Variants in PCM1 observed in about 807,000 individuals in gnomAD.
The protein encoded by PCM1 is pericentriolar material 1, also known as pericentriolar material 1 protein.
PCM1 carries 157 observed loss-of-function variants against 241.9 expected under a neutral mutation model. The ratio of observed to expected loss-of-function variants is 0.65; its 90% CI spans 0.57 to 0.74. The LOEUF (loss-of-function observed/expected upper bound fraction) is 0.74. PCM1 is among the 30% of genes least tolerant of loss of function. The pLI is 0.00. For missense variants in PCM1, 3,478 were observed against 2,360.1 expected (o/e 1.47, Z -9.81); for synonymous variants, 1,085 against 784.9 (o/e 1.38, Z -6.39).
At chr8:17,965,971 T>A (rs2074724957) in intron 18 of PCM1, 28 bp from the exon 19 acceptor site, 1 of 1,535,824 alleles carries the variant, frequency 6.5e-7, no homozygotes, top group East Asian at 2.3e-5. Context: ...TTATGTATGA[T>A]GACTTAATGC....
At chr8:17,934,814 C>G (rs1235207165) in intron 2 of PCM1, 1 of 152,202 alleles carries the variant, frequency 6.6e-6, no homozygotes, top group African/African-American at 2.4e-5. Flanking sequence ...CTTTGAACCT[C>G]TACTTCCACC....
chr8:17,966,035 T>G lies in PCM1; in HGVS notation c.2892T>G (p.Asn964Lys), dbSNP rs2074748982. The change falls in exon 19 of 39, where the codon AAT becomes AAG. Residue 964 changes from asparagine (N) to lysine (K), a missense_variant. Transcript: ENST00000325083. ...KNNCPFSADE[N>K]YRPLAKTRQQ... ...ATTGCCCTTTTTCGGCAGATGAAAATTATCGTCCTTTAGCCAAGACAAGGC... is the reference window on the plus strand; with the variant it reads ...ATTGCCCTTTTTCGGCAGATGAAAAGTATCGTCCTTTAGCCAAGACAAGGC... 2 of 1,612,166 alleles carry G rather than the reference T, an allele frequency of 1.2e-6. No homozygotes were observed. The highest frequency in any genetic ancestry group is 2.7e-5 in the African/African-American group (2 of 74,870).
At chr8:17,974,857 G>GCACACACACACACACACA (rs60355433) in intron 23 of PCM1, among the ~76,000 whole-genome samples, 5 of 133,274 alleles carry the variant, frequency 3.8e-5, no homozygotes, top group African/African-American at 8.0e-5. Context: ...CCACTTTAAG[G>GCACACACACACACACACA]CACACACACA....
intron 6 of PCM1, 85 bp downstream of exon 6, chr8:17,939,946 A>G: frequency 9.1e-7 from 1 of 1,099,332 alleles, no homozygotes. Flanking sequence ...GCCACCCCAG[A>G]GGAGTTAACA....
In PCM1 at chr8:17,983,585, T is replaced by G. The variant is rs147539472; in HGVS notation, c.4109-1862T>G. ...TACTTGATTTGAGGTTATTTTGTAC[T>G]TCTTCAAAGCATTAGTATTTCTTAG... On this transcript the variant is annotated intron_variant, in intron 24 of 38. Transcript: ENST00000325083. Among the ~76,000 whole-genome samples the G allele has an allele frequency of 1.3e-3, 194 of 152,280 alleles. 1 individual carries two copies. The highest frequency in any genetic ancestry group is 4.4e-3 in the African/African-American group (185 of 41,574).
chr8:17,957,468 A>C lies in PCM1; in HGVS notation c.1804+47A>C, dbSNP rs767027860. 7 of 1,607,434 alleles carry C rather than the reference A, an allele frequency of 4.4e-6. No individual in the cohort carries two copies. In the Admixed American group the frequency reaches 1.2e-4, roughly 27 times the overall value. On this transcript the variant is annotated intron_variant, in intron 12 of 38. Coordinates refer to ENST00000325083, the MANE Select transcript of PCM1 (RefSeq NM_006197.4). The stretch of plus-strand genomic sequence containing the variant: ...TATAATTTTGCTGTGTTATTCTTAC[A>C]AAGTGGGTTTTCGTTCATGTGTGCT...
chr8:18,012,214 A>G (rs2092618772), intron 34 of PCM1, among the ~76,000 whole-genome samples: 1 of 152,130 alleles, frequency 6.6e-6, no homozygotes, highest in African/African-American at 2.4e-5. Context: ...ATTAAATTTC[A>G]CACCGGCCCT....
At chr8:17,952,236 T>TAAAC (rs1197155738) in intron 8 of PCM1, among the ~76,000 whole-genome samples, 1 of 149,924 alleles carries the variant, frequency 6.7e-6, no homozygotes, top group South Asian at 2.1e-4. Flanking sequence ...AATAAATAAA[T>TAAAC]AAATAAATAA....
intron 23 of PCM1, 153 bp from the exon 24 acceptor site, chr8:17,980,438 T>C: frequency 1.9e-6 from 1 of 538,716 alleles, no homozygotes; most frequent in Non-Finnish European, 3.2e-6. Context: ...CAAAGATACC[T>C]CCAAGACATA....
Position 17,980,724 on chromosome 8 carries a change from A to G in PCM1, c.4077A>G (p.Ile1359Met), listed in dbSNP as rs2080423224. Reference sequence around the variant, plus strand: ...ATCATGAGCAACTGGAAAAAATAATAAAATGTAATAGGTCTACAGAAATAT... The same window carrying G: ...ATCATGAGCAACTGGAAAAAATAATGAAATGTAATAGGTCTACAGAAATAT... ...RKNHEQLEKI[I>M]KCNRSTEISS... The change falls in exon 24 of 39, where the codon ATA becomes ATG. Residue 1359 changes from isoleucine (I) to methionine (M), a missense_variant. Transcript: ENST00000325083. 6.2e-7 allele frequency: 1 copy of G among 1,611,502 alleles called. No individual in the cohort carries two copies. The highest frequency in any genetic ancestry group is 1.3e-5 in the African/African-American group (1 of 74,924).
chr8:18,017,429 T>G (rs1382702999), intron 36 of PCM1, among the ~76,000 whole-genome samples: 3 of 152,182 alleles, frequency 2.0e-5, no homozygotes, highest in Non-Finnish European at 4.4e-5. Flanking sequence ...CTGAACATTT[T>G]GAGAGAACAT....
At position 17,972,600 on chromosome 8, in the gene PCM1, G is replaced by A. The variant is rs1213564752; in HGVS notation, c.3856G>A (p.Ala1286Thr). 2 of 1,601,130 alleles carry A rather than the reference G, an allele frequency of 1.2e-6. No individual in the cohort carries two copies. The highest frequency in any genetic ancestry group is 1.7e-6 in the Non-Finnish European group (2 of 1,175,868). The change falls in exon 23 of 39, where the codon GCC (alanine) becomes ACC (threonine). Residue 1286 changes from alanine (A) to threonine (T), a missense_variant. By Grantham distance (58) the Ala-to-Thr change is moderately conservative. Transcript: ENST00000325083. Reference protein sequence around the residue: ...TFKTRKASAQASLASKDKTPK... With the variant: ...TFKTRKASAQTSLASKDKTPK... The stretch of plus-strand genomic sequence containing the variant: ...CAAGACAAGAAAAGCGTCTGCACAG[G>A]CCAGCCTGGCATCTAAAGATAAAAC...
At position 18,000,406 on chromosome 8, in the gene PCM1, G is replaced by T. The variant is rs138225635; in HGVS notation, c.4828-5857G>T. ...CTTGTTTTTAGAAAATTGATTATAAGGGGGTCAGGAGTGCAGTGAGATCAG... is the reference window on the plus strand; with the variant it reads ...CTTGTTTTTAGAAAATTGATTATAATGGGGTCAGGAGTGCAGTGAGATCAG... On this transcript the variant is annotated intron_variant, in intron 29 of 38. Coordinates refer to ENST00000325083, the MANE Select transcript of PCM1 (RefSeq NM_006197.4). Among the ~76,000 whole-genome samples the T allele has an allele frequency of 2.6e-5, 4 of 152,146 alleles. No individual in the cohort carries two copies. In the South Asian group the frequency reaches 8.3e-4, roughly 31 times the overall value.
chr8:17,987,938 G>T (rs439511), intron 26 of PCM1, among the ~76,000 whole-genome samples: 13,091 of 151,722 alleles, frequency 0.086, 882 homozygotes, highest in African/African-American at 0.18. Context: ...TCATTCTCTA[G>T]ATGCTTCTAT....
chr8:18,008,487 A>T (rs527277289), intron 30 of PCM1, among the ~76,000 whole-genome samples: 23 of 152,224 alleles, frequency 1.5e-4, no homozygotes, highest in African/African-American at 5.5e-4. Flanking sequence ...TGCTTGAATC[A>T]TTCCGAAACC....
chr8:17,965,157 A>C (rs947821383), intron 18 of PCM1, among the ~76,000 whole-genome samples: 12 of 152,186 alleles, frequency 7.9e-5, no homozygotes, highest in African/African-American at 2.9e-4. Flanking sequence ...GTGTTAGGAC[A>C]GTGTGTGGGT....
Position 17,962,266 on chromosome 8 carries a change from A to G in PCM1, c.2463+92A>G, listed in dbSNP as rs1255160424. On this transcript the variant is annotated intron_variant, in intron 16 of 38. Coordinates refer to ENST00000325083, the MANE Select transcript of PCM1 (RefSeq NM_006197.4). ...GGCACATCTCAAGAAAGGAAACTGA[A>G]TATCCTTGAAACATGTTTGTAAATA... 7 of 1,065,050 alleles carry G rather than the reference A, an allele frequency of 6.6e-6. No individual in the cohort carries two copies. The East Asian group carries it at 8.1e-5, about 12-fold the overall frequency. 66.0% of individuals were successfully genotyped at this position (1,065,050 alleles called of 1,614,324 possible).
At chr8:17,955,405 C>A in intron 9 of PCM1, 65 bp from the exon 10 acceptor site, 1 of 1,094,798 alleles carries the variant, frequency 9.1e-7, no homozygotes, top group Non-Finnish European at 1.3e-6. Context: ...TCCAAGCCAA[C>A]TGTATGTGTT....
rs190723884 is a variant in PCM1, at chr8:17,995,677, T to C, written c.4827+2058T>C. On this transcript the variant is annotated intron_variant, in intron 29 of 38. Transcript: ENST00000325083. The stretch of plus-strand genomic sequence containing the variant: ...GGGGAGTACAGACATTTTAACAATA[T>C]TGATTTTTCCAATCCATGAACATGG... Among the ~76,000 whole-genome samples, 20 of 151,854 alleles carry C rather than the reference T, an allele frequency of 1.3e-4. No individual in the cohort carries two copies. The East Asian group carries it at 2.9e-3, about 22-fold the overall frequency.
Sources: allele counts gnomAD v4.1 joint callset (sites outside exome capture counted in the v4.1 genomes callset), GRCh38; gene constraint gnomAD v4.1.1; transcripts MANE v1.5; gene names NCBI Gene and HGNC (gene_info 2026-07-23, HGNC 2026-07-21).